The following STK3 variants were observed in gnomAD, a reference collection of about 807,000 sequenced individuals.
The protein encoded by STK3 is serine/threonine kinase 3.
STK3 carries 41 observed loss-of-function variants against 58.0 expected under a neutral mutation model. The observed-to-expected ratio is 0.71, with a 90% confidence interval of 0.55 to 0.92. STK3 has a LOEUF of 0.92. STK3 is among the 40% of genes least tolerant of loss of function. The probability of loss-of-function intolerance (pLI) is 0.00; values close to 1 mark genes in which losing one functional copy is unlikely to be tolerated. For synonymous variants in STK3, 170 were observed against 191.0 expected, an observed-to-expected ratio of 0.89 and a Z score of 0.91; for missense variants, 479 against 602.7, an observed-to-expected ratio of 0.79 and a Z score of 2.15.
At chr8:98,578,977 C>G (rs1017039720) in intron 8 of STK3, among the ~76,000 whole-genome samples, 17 of 151,870 alleles carry the variant, frequency 1.1e-4, no homozygotes, top group African/African-American at 4.1e-4. Flanking sequence ...ATGGTGAAAC[C>G]CCATCTCTAT....
chr8:98,632,387 TA>T (rs981360406), intron 6 of STK3, among the ~76,000 whole-genome samples: 1 of 152,196 alleles, frequency 6.6e-6, no homozygotes, highest in Non-Finnish European at 1.5e-5. Flanking sequence ...GCACAGAGAA[TA>T]AGACTATCTT....
the STK3 span, among the ~76,000 whole-genome samples, chr8:98,345,921 T>C: frequency 2.0e-5 from 3 of 152,038 alleles, no homozygotes; most frequent in Admixed American, 6.5e-5. Context: ...AAAAGATTCA[T>C]TGGACTTGAA....
intron 9 of STK3, among the ~76,000 whole-genome samples, chr8:98,543,248 A>T (rs1810435034): frequency 6.6e-6 from 1 of 152,290 alleles, no homozygotes; most frequent in South Asian, 2.1e-4. Context: ...AAGGATGAAG[A>T]GGGAATAGAA....
chr8:98,491,504 G>T (rs1822698080), intron 10 of STK3, among the ~76,000 whole-genome samples: 1 of 151,672 alleles, frequency 6.6e-6, no homozygotes, highest in South Asian at 2.1e-4. Flanking sequence ...GCAGTGGCAC[G>T]ATCTCAGCTC....
intron 6 of STK3, among the ~76,000 whole-genome samples, chr8:98,670,042 T>C (rs984057267): frequency 2.0e-5 from 3 of 152,162 alleles, no homozygotes; most frequent in Non-Finnish European, 2.9e-5. Context: ...TTAACAAATA[T>C]TTGAAAATTA....
At chr8:98,637,679 G>A (rs1200898308) in intron 6 of STK3, among the ~76,000 whole-genome samples, 1 of 152,052 alleles carries the variant, frequency 6.6e-6, no homozygotes, top group African/African-American at 2.4e-5. Context: ...TACTAAAATG[G>A]AATCTGCACA....
chr8:98,359,532 AAAAAG>A, the STK3 span, among the ~76,000 whole-genome samples: 7 of 142,792 alleles, frequency 4.9e-5, no homozygotes, highest in Admixed American at 1.4e-4. Flanking sequence ...CAAAAAAAAA[AAAAAG>A]AAAGAAAGAA....
chr8:98,536,346 G>A (rs943391202), intron 9 of STK3, among the ~76,000 whole-genome samples: 10 of 152,194 alleles, frequency 6.6e-5, no homozygotes, highest in Admixed American at 6.5e-4. Flanking sequence ...CCAGCATTTT[G>A]GGAGGTTGAG....
the STK3 span, among the ~76,000 whole-genome samples, chr8:98,344,892 CAAAAAAA>C: frequency 1.3e-4 from 6 of 47,404 alleles, no homozygotes; most frequent in Admixed American, 5.5e-4. Context: ...GACTCCGTCT[CAAAAAAA>C]AAAAAAAAAA....
chr8:98,522,836 A>G lies in STK3; in HGVS notation c.1317+3906T>C, dbSNP rs149561673. Among the ~76,000 whole-genome samples the G allele has an allele frequency of 2.6e-3, 398 of 152,322 alleles. 3 individuals are homozygous for G. Among genetic ancestry groups the G allele is most frequent in the African/African-American group, 9.3e-3 (385 of 41,568 alleles). On this transcript the variant is annotated intron_variant, in intron 10 of 10. Coordinates refer to ENST00000419617, the MANE Select transcript of STK3 (RefSeq NM_006281.4). ...TGACCTGGCTTATTTCACTTAGCAT[A>G]ATGTCTTCAGTGCTTATCCATGTTG...
intron 4 of STK3, among the ~76,000 whole-genome samples, chr8:98,733,706 T>C (rs1336417540): frequency 6.6e-6 from 1 of 152,124 alleles, no homozygotes; most frequent in Non-Finnish European, 1.5e-5. Flanking sequence ...CAAAACAGAA[T>C]TTGGCTTTTT....
At position 98,508,032 on chromosome 8, in the gene STK3, G is replaced by T. The variant is rs114693586; in HGVS notation, c.1317+18710C>A. Among the ~76,000 whole-genome samples, 1,449 of 152,120 alleles carry T rather than the reference G, an allele frequency of 9.5e-3. 26 individuals carry two copies. Among genetic ancestry groups the T allele is most frequent in the African/African-American group, 0.033 (1,368 of 41,504 alleles). On this transcript the variant is annotated intron_variant, in intron 10 of 10. Transcript: ENST00000419617. ...ACTTTACTAATTTATTATGGTTATT[G>T]ACTGTTTTCTCCATTACAGTATATG...
chr8:98,725,291 G>GA (rs1827719875), intron 4 of STK3, among the ~76,000 whole-genome samples: 1 of 152,138 alleles, frequency 6.6e-6, no homozygotes, highest in Non-Finnish European at 1.5e-5. Context: ...TGTGGTGAAA[G>GA]AATCCACAAG....
chr8:98,535,707 T>C (rs886648462), intron 9 of STK3, among the ~76,000 whole-genome samples: 1 of 152,134 alleles, frequency 6.6e-6, no homozygotes, highest in East Asian at 1.9e-4. Flanking sequence ...GAAACTAACA[T>C]TTATAGAGCA....
intron 9 of STK3, among the ~76,000 whole-genome samples, chr8:98,536,669 G>A (rs1809791263): frequency 6.6e-6 from 1 of 152,146 alleles, no homozygotes; most frequent in Admixed American, 6.5e-5. Flanking sequence ...AACTCACTCT[G>A]CCAGTGCCGG....
chr8:98,607,541 C>T (rs749096678), intron 6 of STK3, among the ~76,000 whole-genome samples: 3 of 152,136 alleles, frequency 2.0e-5, no homozygotes, highest in African/African-American at 4.8e-5. Flanking sequence ...CTCTTTTTAG[C>T]AAATCTTTTT....
chr8:98,505,730 G>C (rs926805521), intron 10 of STK3, among the ~76,000 whole-genome samples: 1 of 152,176 alleles, frequency 6.6e-6, no homozygotes, highest in Non-Finnish European at 1.5e-5. Context: ...GGAGGCTGCA[G>C]AACAGCAAAT....
At chr8:98,522,962 G>T (rs1286792531) in intron 10 of STK3, among the ~76,000 whole-genome samples, 1 of 152,126 alleles carries the variant, frequency 6.6e-6, no homozygotes, top group Non-Finnish European at 1.5e-5. Context: ...CACTTGGGTT[G>T]CTTCTACCTT....
chr8:98,348,263 T>C, the STK3 span, among the ~76,000 whole-genome samples: 1 of 152,140 alleles, frequency 6.6e-6, no homozygotes, highest in African/African-American at 2.4e-5. Context: ...TAGCTCAAAA[T>C]GGATCATAAG....
Sources: allele counts gnomAD v4.1 joint callset (sites outside exome capture counted in the v4.1 genomes callset), GRCh38; gene constraint gnomAD v4.1.1; transcripts MANE v1.5; gene names NCBI Gene and HGNC (gene_info 2026-07-23, HGNC 2026-07-21).